PTPRT: variants seen among roughly 807,000 people sequenced by gnomAD.
PTPRT encodes the protein protein tyrosine phosphatase receptor type T.
In PTPRT, 56 loss-of-function variants were observed where a neutral mutation model predicts 176.8. That is an observed-to-expected ratio of 0.32 (90% confidence interval 0.26 to 0.40). The LOEUF is 0.40. Among genes scored for constraint, PTPRT ranks in the 10% least tolerant of loss-of-function variants. PTPRT has a pLI of 1.00. For synonymous variants in PTPRT, 783 were observed against 739.0 expected (o/e 1.06, Z -0.96); for missense variants, 1,540 against 1,908.2 (o/e 0.81, Z 3.60).
intron 1 of PTPRT, among the ~76,000 whole-genome samples, chr20:42,992,439 C>T (rs6016933): frequency 3.3e-5 from 5 of 152,138 alleles, no homozygotes; most frequent in African/African-American, 1.2e-4. Context: ...TCTATTGGGC[C>T]AGTAAGCTGG....
intron 1 of PTPRT, among the ~76,000 whole-genome samples, chr20:42,986,219 C>T (rs368262439): frequency 2.8e-4 from 43 of 152,326 alleles, no homozygotes; most frequent in African/African-American, 9.9e-4. Flanking sequence ...GAAATGGGAG[C>T]GGCCTCAAGC....
At chr20:43,182,356 G>A (rs1306059550) in intron 1 of PTPRT, among the ~76,000 whole-genome samples, 1 of 151,978 alleles carries the variant, frequency 6.6e-6, no homozygotes, top group Non-Finnish European at 1.5e-5. Context: ...TAAGCTCCAC[G>A]ACGCTAAGAA....
intron 1 of PTPRT, among the ~76,000 whole-genome samples, chr20:43,089,111 T>C (rs6016952): frequency 0.012 from 1,799 of 152,322 alleles, 29 homozygotes; most frequent in African/African-American, 0.042. Context: ...ATGCATTACT[T>C]ATTTATTGAT....
At chr20:42,544,568 A>G (rs1195782440) in intron 7 of PTPRT, among the ~76,000 whole-genome samples, 1 of 152,092 alleles carries the variant, frequency 6.6e-6, no homozygotes, top group Non-Finnish European at 1.5e-5. Flanking sequence ...CATATCACAG[A>G]TATGTAAGAA....
chr20:42,926,532 G>A (rs1056136252), intron 1 of PTPRT, among the ~76,000 whole-genome samples: 3 of 152,188 alleles, frequency 2.0e-5, no homozygotes, highest in African/African-American at 7.2e-5. Context: ...TCCTCCACCA[G>A]AAGTACTTTC....
At position 42,151,621 on chromosome 20, in the gene PTPRT, T is replaced by A. The variant is rs184216101; in HGVS notation, c.2683-9619A>T. Reference sequence around the variant, plus strand: ...TGCAGTAAACATATGTGTGCATATGTCTTTATAGTAGAATTATTTATAATG... The same window carrying A: ...TGCAGTAAACATATGTGTGCATATGACTTTATAGTAGAATTATTTATAATG... On this transcript the variant is annotated intron_variant, in intron 17 of 30. Transcript: ENST00000373187. 1.6e-3 allele frequency among the ~76,000 whole-genome samples: 242 copies of A among 152,338 alleles called. 2 individuals are homozygous for A. Among genetic ancestry groups the A allele is most frequent in the African/African-American group, 5.4e-3 (223 of 41,588 alleles).
intron 1 of PTPRT, among the ~76,000 whole-genome samples, chr20:43,113,881 G>GA (rs1362279045): frequency 2.6e-5 from 4 of 152,276 alleles, no homozygotes; most frequent in African/African-American, 9.6e-5. Context: ...TTTGTGTATA[G>GA]AATTTCTACT....
Position 42,608,582 on chromosome 20 carries a change from G to T in PTPRT, c.1153+69284C>A, listed in dbSNP as rs994031687. On this transcript the variant is annotated intron_variant, in intron 7 of 30. Coordinates refer to ENST00000373187, the MANE Select transcript of PTPRT (RefSeq NM_007050.6). ...TCAATATTGTCTGGGATATCAAATG[G>T]GAAGACTGGAACAGCCAGGGGAGAT... is the stretch of plus-strand genomic sequence containing the variant. Among the ~76,000 whole-genome samples, 3 of 152,264 alleles carry T rather than the reference G, an allele frequency of 2.0e-5. 1 individual carries two copies. The South Asian group carries it at 6.2e-4, about 32-fold the overall frequency.
chr20:43,163,778 G>A lies in PTPRT; in HGVS notation c.88+25868C>T, dbSNP rs6030678. Among the ~76,000 whole-genome samples, 329 of 152,288 alleles carry A rather than the reference G, an allele frequency of 2.2e-3. 3 individuals carry two copies. The highest frequency in any genetic ancestry group is 7.3e-3 in the African/African-American group (302 of 41,554). On this transcript the variant is annotated intron_variant, in intron 1 of 30. Coordinates refer to ENST00000373187, the MANE Select transcript of PTPRT (RefSeq NM_007050.6). Reference sequence around the variant, plus strand: ...AAAATTATCCAAAGATATATACACCGACAGCACATCTATCTCATGTGTGTG... The same window carrying A: ...AAAATTATCCAAAGATATATACACCAACAGCACATCTATCTCATGTGTGTG...
intron 4 of PTPRT, among the ~76,000 whole-genome samples, chr20:42,774,898 C>G (rs548421765): frequency 1.3e-5 from 2 of 152,010 alleles, no homozygotes; most frequent in African/African-American, 4.8e-5. Context: ...CTCTTCCCTG[C>G]GTTCCTGGCC....
intron 7 of PTPRT, among the ~76,000 whole-genome samples, chr20:42,576,655 A>C (rs939498425): frequency 8.5e-5 from 13 of 152,178 alleles, no homozygotes; most frequent in African/African-American, 2.9e-4. Context: ...CTGTGTCAGA[A>C]AAAGAACCTG....
intron 9 of PTPRT, among the ~76,000 whole-genome samples, chr20:42,376,579 C>G (rs6130118): frequency 2.0e-5 from 3 of 152,194 alleles, no homozygotes; most frequent in Admixed American, 6.5e-5. Flanking sequence ...CCCCAAGAAC[C>G]TCACCCTTTC....
intron 1 of PTPRT, among the ~76,000 whole-genome samples, chr20:43,030,433 A>T (rs1266392578): frequency 6.6e-6 from 1 of 152,002 alleles, no homozygotes; most frequent in Non-Finnish European, 1.5e-5. Context: ...GAAAAAGATC[A>T]GGGGTTTGGT....
At chr20:43,071,551 C>T (rs933748762) in intron 1 of PTPRT, among the ~76,000 whole-genome samples, 3 of 152,048 alleles carry the variant, frequency 2.0e-5, no homozygotes, top group Non-Finnish European at 2.9e-5. Flanking sequence ...TTGAGGGGGC[C>T]GATGCAGGTG....
intron 7 of PTPRT, among the ~76,000 whole-genome samples, chr20:42,633,538 G>A (rs1004423104): frequency 1.3e-5 from 2 of 151,594 alleles, no homozygotes; most frequent in African/African-American, 2.4e-5. Flanking sequence ...GCTCACACCT[G>A]TAATCCCAGC....
intron 12 of PTPRT, among the ~76,000 whole-genome samples, chr20:42,289,805 C>T (rs755283598): frequency 6.6e-6 from 1 of 152,040 alleles, no homozygotes; most frequent in African/African-American, 2.4e-5. Flanking sequence ...TAAAATCACC[C>T]CTTCAGCACC....
intron 16 of PTPRT, among the ~76,000 whole-genome samples, chr20:42,185,881 G>A (rs1990760443): frequency 6.6e-6 from 1 of 151,950 alleles, no homozygotes; most frequent in Non-Finnish European, 1.5e-5. Context: ...TCTAACAGAG[G>A]GGTCAGGCAC....
At chr20:42,790,894 T>A (rs2077364926) in intron 3 of PTPRT, among the ~76,000 whole-genome samples, 3 of 152,196 alleles carry the variant, frequency 2.0e-5, no homozygotes, top group African/African-American at 7.2e-5. Context: ...CCTCATCATG[T>A]CATAAGCACT....
intron 17 of PTPRT, among the ~76,000 whole-genome samples, chr20:42,151,324 C>T (rs1196386504): frequency 6.6e-6 from 1 of 152,084 alleles, no homozygotes; most frequent in Non-Finnish European, 1.5e-5. Flanking sequence ...CACCCCCTGA[C>T]AGGCCCTGGG....
Sources: gnomAD v4.1 joint callset for allele counts (sites outside exome capture counted in the v4.1 genomes callset) on GRCh38, gnomAD v4.1.1 for gene constraint, MANE v1.5 for transcripts, NCBI Gene and HGNC (gene_info 2026-07-23, HGNC 2026-07-21) for gene names.